Variants in CYFIP1 observed in about 807,000 individuals in gnomAD.
CYFIP1 encodes the protein cytoplasmic FMR1 interacting protein 1.
A neutral mutation model predicts 163.5 loss-of-function variants in CYFIP1; 58 were observed. The ratio of observed to expected loss-of-function variants is 0.35; its 90% CI spans 0.29 to 0.44. The LOEUF (loss-of-function observed/expected upper bound fraction) is 0.44, where lower values mean the gene tolerates loss of function less well. Among genes scored for constraint, CYFIP1 ranks in the 20% least tolerant of loss-of-function variants. The pLI, the probability that CYFIP1 is intolerant of heterozygous loss-of-function variation, is 1.00. For synonymous variants in CYFIP1, 663 were observed against 660.7 expected (o/e 1.00, Z -0.05); for missense variants, 1,338 against 1,653.8 (o/e 0.81, Z 3.31).
intron 22 of CYFIP1, among the ~76,000 whole-genome samples, chr15:22,896,422 G>GC (rs777767114): frequency 2.0e-5 from 3 of 151,792 alleles, no homozygotes; most frequent in African/African-American, 7.3e-5. Flanking sequence ...AATCTTTTCT[G>GC]CCCCCCGACA....
intron 1 of CYFIP1, among the ~76,000 whole-genome samples, chr15:22,957,155 T>C (rs903573027): frequency 6.6e-5 from 10 of 152,208 alleles, no homozygotes; most frequent in Non-Finnish European, 1.3e-4. Flanking sequence ...GGTGGAGAGA[T>C]GCTTTGCTAG....
chr15:22,917,149 G>A lies in CYFIP1; in HGVS notation c.1675-519C>T, dbSNP rs963524330. Reference sequence around the variant, plus strand: ...AGGCAGGGAGGGTGGCTGGCACCACGCACAGGCCGAGGGCCGTCCCCCTGA... The same window carrying A: ...AGGCAGGGAGGGTGGCTGGCACCACACACAGGCCGAGGGCCGTCCCCCTGA... On this transcript the variant is annotated intron_variant, in intron 15 of 30. Transcript: ENST00000617928. This position sits in a 1 kb window ranked among gnomAD's most constrained non-coding sequence, Gnocchi z 4.2. 28 of 1,441,744 alleles carry A rather than the reference G, an allele frequency of 1.9e-5. No homozygotes were observed. The highest frequency in any genetic ancestry group is 2.5e-4 in the Middle Eastern group (1 of 3,948). 89.3% of individuals were successfully genotyped at this position (1,441,744 alleles called of 1,614,324 possible). A position where few individuals can be genotyped will look rare whatever the true frequency, so the allele number is the denominator to read the frequency against.
intron 1 of CYFIP1, among the ~76,000 whole-genome samples, chr15:22,969,573 G>A (rs1353573532): frequency 6.6e-6 from 1 of 152,116 alleles, no homozygotes; most frequent in Non-Finnish European, 1.5e-5. Context: ...TAGAAATCAG[G>A]CCGGAGCTGC....
At chr15:22,929,343 C>G (rs1408081055) in intron 11 of CYFIP1, among the ~76,000 whole-genome samples, 1 of 151,890 alleles carries the variant, frequency 6.6e-6, no homozygotes, top group East Asian at 1.9e-4. Context: ...TCTTTTAAGA[C>G]TAGATTATGA....
chr15:22,887,597 G>A (rs1219918349), intron 23 of CYFIP1, among the ~76,000 whole-genome samples: 1 of 152,080 alleles, frequency 6.6e-6, no homozygotes, highest in Admixed American at 6.6e-5. Context: ...ATCACTCAAT[G>A]AACACATGGT....
At chr15:22,887,964 TCTAA>T (rs1181767901) in intron 23 of CYFIP1, among the ~76,000 whole-genome samples, 1 of 152,140 alleles carries the variant, frequency 6.6e-6, no homozygotes, top group Admixed American at 6.5e-5. Flanking sequence ...ACTTGGGTGC[TCTAA>T]CTTTCACGAC....
At chr15:22,878,784 A>G (rs1158283821) in intron 26 of CYFIP1, among the ~76,000 whole-genome samples, 1 of 152,018 alleles carries the variant, frequency 6.6e-6, no homozygotes, top group Non-Finnish European at 1.5e-5. Context: ...CACAAATGGG[A>G]GAAGAATTTA....
At position 22,903,802 on chromosome 15, in the gene CYFIP1, T is replaced by C; in HGVS notation, c.2492A>G (p.Asn831Ser). The C allele has an allele frequency of 1.2e-6, 2 of 1,614,170 alleles. No homozygotes were observed. The highest frequency in any genetic ancestry group is 1.3e-5 in the African/African-American group (1 of 75,046). Residue 831 changes from asparagine to serine, a missense_variant, in exon 22 of 31, where the codon AAC (asparagine) becomes AGC (serine). Coordinates refer to ENST00000617928, the MANE Select transcript of CYFIP1 (RefSeq NM_014608.6). ...FDAMFREANH[N>S]VSAPYGRITL... The stretch of plus-strand genomic sequence containing the variant: ...GATCCTCCCGTAGGGCGCTGACACG[T>C]TGTGGTTGGCCTCCCGGAACATGGC...
intron 23 of CYFIP1, among the ~76,000 whole-genome samples, chr15:22,886,309 C>T (rs939335304): frequency 6.6e-6 from 1 of 152,164 alleles, no homozygotes; most frequent in Admixed American, 6.5e-5. Context: ...AAGGACACCC[C>T]TCAGCTTGTC....
intron 6 of CYFIP1, among the ~76,000 whole-genome samples, chr15:22,942,178 T>G (rs1405334672): frequency 6.6e-6 from 1 of 152,248 alleles, no homozygotes; most frequent in East Asian, 1.9e-4. Context: ...CTGCCTGACC[T>G]AGCTTGACTC....
intron 1 of CYFIP1, among the ~76,000 whole-genome samples, chr15:22,950,996 T>TTA (rs2062230591): frequency 6.6e-6 from 1 of 152,224 alleles, no homozygotes; most frequent in Non-Finnish European, 1.5e-5. Flanking sequence ...AATTTACCAA[T>TTA]TAAAGTTCGT....
chr15:22,867,238 TAAAA>T lies in CYFIP1; in HGVS notation c.*2786_*2789del. 1 of 403,946 alleles carries T rather than the reference TAAAA, an allele frequency of 2.5e-6. No individual in the cohort carries two copies. The highest frequency in any genetic ancestry group is 4.4e-6 in the Non-Finnish European group (1 of 229,602). 25.0% of individuals were successfully genotyped at this position (403,946 alleles called of 1,614,324 possible). The stretch of plus-strand genomic sequence containing the variant: ...CTGACCATGTAAGGCTTTTTTATTT[TAAAA>T]AAACAGAGTTATCCCAATACATTAT... On this transcript the variant is annotated 3_prime_UTR_variant, in exon 31 of 31. Transcript: ENST00000617928.
intron 9 of CYFIP1, among the ~76,000 whole-genome samples, chr15:22,935,799 A>C (rs72696073): frequency 0.015 from 2,279 of 152,332 alleles, 80 homozygotes; most frequent in East Asian, 0.1. Flanking sequence ...AAAATAAAAA[A>C]AATGGTGTGT....
At chr15:22,895,352 C>T (rs1253415123) in intron 22 of CYFIP1, among the ~76,000 whole-genome samples, 1 of 152,004 alleles carries the variant, frequency 6.6e-6, no homozygotes, top group Non-Finnish European at 1.5e-5. Context: ...GGTCTTGCCA[C>T]GTTGGCCAGG....
At chr15:22,915,793 A>G (rs1258494302) in intron 16 of CYFIP1, among the ~76,000 whole-genome samples, 1 of 152,096 alleles carries the variant, frequency 6.6e-6, no homozygotes, top group Non-Finnish European at 1.5e-5. Flanking sequence ...ACTTTCACTT[A>G]GGATAAAAAC....
intron 23 of CYFIP1, among the ~76,000 whole-genome samples, chr15:22,885,617 C>T (rs1164342867): frequency 1.3e-5 from 2 of 152,146 alleles, no homozygotes; most frequent in Non-Finnish European, 2.9e-5. Flanking sequence ...CCTGTAATCC[C>T]AGCTACTTGG....
chr15:22,917,685 G>T lies in CYFIP1; in HGVS notation c.1674+103C>A. 1.5e-6 allele frequency: 2 copies of T among 1,350,070 alleles called. No individual in the cohort carries two copies. Among genetic ancestry groups the T allele is most frequent in the Non-Finnish European group, 2.0e-6 (2 of 1,014,198 alleles). 83.6% of individuals were successfully genotyped at this position (1,350,070 alleles called of 1,614,324 possible). A position where few individuals can be genotyped will look rare whatever the true frequency, so the allele number is the denominator to read the frequency against. ...GCCACTTTCTCTGCCTGAGCAGGCA[G>T]CGAGGACCTCATTTAACCCGGGCCT... On this transcript the variant is annotated intron_variant, in intron 15 of 30. Coordinates refer to ENST00000617928, the MANE Select transcript of CYFIP1 (RefSeq NM_014608.6). This position sits in a 1 kb window ranked among gnomAD's most constrained non-coding sequence, Gnocchi z 4.2.
Position 22,932,285 on chromosome 15 carries a change from T to C in CYFIP1, c.1048A>G (p.Ile350Val), listed in dbSNP as rs757658048. ...SPQYNICEQM[I>V]QIREDHMRFI... is the part of the protein sequence containing the mutation. Reference sequence around the variant, plus strand: ...CGCATGTGGTCCTCGCGGATCTGGATCATCTGCTCGCAGATGTTGTACTGA... The same window carrying C: ...CGCATGTGGTCCTCGCGGATCTGGACCATCTGCTCGCAGATGTTGTACTGA... Residue 350 changes from isoleucine to valine, a missense_variant, in exon 11 of 31, where the codon ATC becomes GTC. Around this residue, in one of 4 missense-constraint regions of CYFIP1, gnomAD observed 824 missense variants for 995.7 expected, o/e 0.83. Transcript: ENST00000617928. The C allele has an allele frequency of 2.4e-5, 39 of 1,612,908 alleles. No individual in the cohort carries two copies. Among genetic ancestry groups the C allele is most frequent in the Non-Finnish European group, 3.1e-5 (37 of 1,179,606 alleles).
chr15:22,910,476 C>G, intron 20 of CYFIP1, 44 bp downstream of exon 20: 1 of 1,538,062 alleles, frequency 6.5e-7, no homozygotes, highest in Non-Finnish European at 9.0e-7. Flanking sequence ...CCAGTCTTTT[C>G]AATGCACACT....
Sources: gnomAD v4.1 joint callset for allele counts (sites outside exome capture counted in the v4.1 genomes callset) on GRCh38, gnomAD v4.1.1 for gene constraint, gnomAD v4.1.1 regional missense constraint, Gnocchi (gnomAD v3.1) non-coding constraint, MANE v1.5 for transcripts, NCBI Gene and HGNC (gene_info 2026-07-23, HGNC 2026-07-21) for gene names.